SH3PXD2B: variants seen among roughly 807,000 people sequenced by gnomAD.
SH3PXD2B encodes SH3 and PX domains 2B.
A neutral mutation model predicts 73.1 loss-of-function variants in SH3PXD2B; 37 were observed. The ratio of observed to expected loss-of-function variants is 0.51; its 90% confidence interval spans 0.39 to 0.67. The LOEUF is 0.67. Ranked by LOEUF, SH3PXD2B falls within the 30% of genes least tolerant of loss-of-function variation. SH3PXD2B has a pLI of 0.00. For missense variants in SH3PXD2B, 1,053 were observed against 1,197.8 expected (o/e 0.88, Z 1.78); for synonymous variants, 457 against 480.5 (o/e 0.95, Z 0.64).
In SH3PXD2B at chr5:172,343,554, G is replaced by A. The variant is rs138745990; in HGVS notation, c.1188+2582C>T. Among the ~76,000 whole-genome samples the A allele has an allele frequency of 3.8e-4, 58 of 152,168 alleles. 1 individual carries two copies. The East Asian group carries it at 8.3e-3, about 22-fold the overall frequency. The stretch of plus-strand genomic sequence containing the variant: ...GGTGGCTCACGCCTGCAATTCCACC[G>A]CTTTGGGAGGCTTAGGCGGGCGGAT... On this transcript the variant is annotated intron_variant, in intron 12 of 12. Coordinates refer to ENST00000311601, the MANE Select transcript of SH3PXD2B (RefSeq NM_001017995.3).
intron 2 of SH3PXD2B, 86 bp downstream of exon 2, chr5:172,422,330 A>C: frequency 7.8e-7 from 1 of 1,285,534 alleles, no homozygotes; most frequent in East Asian, 2.5e-5. Flanking sequence ...AATTAAAAAA[A>C]TTCTGGACTC....
chr5:172,412,644 C>T (rs995955828), intron 2 of SH3PXD2B, among the ~76,000 whole-genome samples: 23 of 152,138 alleles, frequency 1.5e-4, no homozygotes, highest in African/African-American at 2.4e-4. Context: ...TCCAGGTTTA[C>T]GGCCACCAAT....
intron 1 of SH3PXD2B, among the ~76,000 whole-genome samples, chr5:172,450,396 A>C (rs1246396755): frequency 6.6e-6 from 1 of 152,172 alleles, no homozygotes; most frequent in Admixed American, 6.5e-5. Flanking sequence ...AAAAGTTTTG[A>C]AACAAATTGG....
rs545156424 is a variant in SH3PXD2B, at chr5:172,420,003, A to G, written c.156+2413T>C. Reference sequence around the variant, plus strand: ...CCACAGATCTGGGTAAAGAATGTGGAGGGTCCTCCATTTGTATCTCATTCA... The same window carrying G: ...CCACAGATCTGGGTAAAGAATGTGGGGGGTCCTCCATTTGTATCTCATTCA... On this transcript the variant is annotated intron_variant, in intron 2 of 12. Transcript: ENST00000311601. 1.2e-3 allele frequency among the ~76,000 whole-genome samples: 177 copies of G among 152,314 alleles called. 1 individual carries two copies. Among genetic ancestry groups the G allele is most frequent in the African/African-American group, 3.6e-3 (150 of 41,576 alleles).
chr5:172,383,705 T>C (rs929095656), intron 4 of SH3PXD2B, among the ~76,000 whole-genome samples: 2 of 152,140 alleles, frequency 1.3e-5, no homozygotes, highest in African/African-American at 4.8e-5. Flanking sequence ...GCCCAAGCAG[T>C]GCGTGCTCTG....
At chr5:172,390,815 TTGTGTGTGTGTGTGTGTGTGTGTG>T (rs56116617) in intron 4 of SH3PXD2B, among the ~76,000 whole-genome samples, 2 of 139,896 alleles carry the variant, frequency 1.4e-5, no homozygotes, top group African/African-American at 2.7e-5. Context: ...TTCCCGTCTT[TTGTGTGTGTGTGTGTGTGTGTGTG>T]TGTGTGTGTG....
intron 6 of SH3PXD2B, among the ~76,000 whole-genome samples, chr5:172,372,179 G>A (rs572172157): frequency 5.3e-5 from 8 of 152,188 alleles, no homozygotes; most frequent in East Asian, 1.9e-4. Flanking sequence ...ATCTCATGTC[G>A]AACTGTAATC....
chr5:172,413,012 G>A (rs564994866), intron 2 of SH3PXD2B, among the ~76,000 whole-genome samples: 3 of 152,364 alleles, frequency 2.0e-5, no homozygotes, highest in South Asian at 4.1e-4. Context: ...TGCGAGACAC[G>A]CTGTCCAAAG....
intron 4 of SH3PXD2B, among the ~76,000 whole-genome samples, chr5:172,383,943 T>C (rs1431988411): frequency 1.3e-5 from 2 of 151,338 alleles, no homozygotes; most frequent in African/African-American, 4.9e-5. Flanking sequence ...GCCTCCCGGG[T>C]TCAAGTGATT....
At position 172,381,947 on chromosome 5, in the gene SH3PXD2B, G is replaced by C. The variant is rs2113372521; in HGVS notation, c.401+89C>G. 5 of 1,017,862 alleles carry C rather than the reference G, an allele frequency of 4.9e-6. No individual in the cohort carries two copies. In the East Asian group the frequency reaches 1.3e-4, roughly 26 times the overall value. 63.1% of individuals were successfully genotyped at this position (1,017,862 alleles called of 1,614,324 possible). A position where few individuals can be genotyped will look rare whatever the true frequency, so the allele number is the denominator to read the frequency against. On this transcript the variant is annotated intron_variant, in intron 5 of 12. Coordinates refer to ENST00000311601, the MANE Select transcript of SH3PXD2B (RefSeq NM_001017995.3). ...GGCTCAGCCGACGAAACCCACTTTT[G>C]GCTGCACTTTGCTTTACTTGGGGGT...
chr5:172,371,366 A>G (rs1757699298), intron 6 of SH3PXD2B, among the ~76,000 whole-genome samples: 1 of 152,222 alleles, frequency 6.6e-6, no homozygotes. Context: ...TTGAGACCAC[A>G]TTAGCCAAAG....
exon 13 of SH3PXD2B, chr5:172,325,372 C>G: frequency 9.8e-6 from 15 of 1,534,506 alleles, no homozygotes; most frequent in Non-Finnish European, 1.3e-5. Flanking sequence ...AGTGAACATT[C>G]TTATGATCCT....
chr5:172,339,056 C>T lies in SH3PXD2B; in HGVS notation c.2049G>A (p.Gly683=). The change falls in exon 13 of 13, where the codon GGG becomes GGA. Residue 683 remains glycine (G), a synonymous_variant. Coordinates refer to ENST00000311601, the MANE Select transcript of SH3PXD2B (RefSeq NM_001017995.3). The surrounding 1 kb of genome is among the most constrained non-coding windows in gnomAD (Gnocchi z 6.1). ...AKSQDKSLLD[G]EGPQAVGGQD... ...GGCCCCCTACTGCCTGGGGGCCCTC[C>T]CCATCCAACAAGGACTTGTCTTGGG... 1.2e-6 allele frequency: 2 copies of T among 1,614,218 alleles called. No homozygotes were observed. The highest frequency in any genetic ancestry group is 8.5e-7 in the Non-Finnish European group (1 of 1,180,016).
intron 4 of SH3PXD2B, among the ~76,000 whole-genome samples, chr5:172,386,663 C>T (rs1042513559): frequency 3.3e-5 from 5 of 152,114 alleles, no homozygotes; most frequent in African/African-American, 4.8e-5. Context: ...CAGGGTCTGG[C>T]TCTGTGGCCC....
At chr5:172,448,674 T>C (rs1421948767) in intron 1 of SH3PXD2B, among the ~76,000 whole-genome samples, 2 of 152,222 alleles carry the variant, frequency 1.3e-5, no homozygotes, top group African/African-American at 2.4e-5. Context: ...GAGCACAGAT[T>C]CCGTGCATAC....
chr5:172,328,863 CCTTA>C (rs1756494128), downstream of SH3PXD2B, among the ~76,000 whole-genome samples: 1 of 151,828 alleles, frequency 6.6e-6, no homozygotes, highest in Non-Finnish European at 1.5e-5. Context: ...AGAGCTGGAG[CCTTA>C]CTGTGATTGC....
intron 5 of SH3PXD2B, among the ~76,000 whole-genome samples, chr5:172,377,823 T>C (rs1021656783): frequency 6.6e-6 from 1 of 152,194 alleles, no homozygotes; most frequent in African/African-American, 2.4e-5. Flanking sequence ...GGGCTGTGTT[T>C]TGTATTTTCA....
intron 3 of SH3PXD2B, among the ~76,000 whole-genome samples, chr5:172,404,051 G>A (rs1561925276): frequency 6.6e-6 from 1 of 152,234 alleles, no homozygotes; most frequent in Non-Finnish European, 1.5e-5. Flanking sequence ...GTTTTCTCCA[G>A]CAGGAAAGAA....
intron 4 of SH3PXD2B, among the ~76,000 whole-genome samples, chr5:172,391,137 G>A (rs1554138728): frequency 6.6e-6 from 1 of 152,054 alleles, no homozygotes; most frequent in Non-Finnish European, 1.5e-5. Flanking sequence ...CACCACGCCC[G>A]GCTTGCAGCT....
Sources: gnomAD v4.1 joint callset for allele counts (sites outside exome capture counted in the v4.1 genomes callset) on GRCh38, gnomAD v4.1.1 for gene constraint, Gnocchi (gnomAD v3.1) non-coding constraint, MANE v1.5 for transcripts, NCBI Gene and HGNC (gene_info 2026-07-23, HGNC 2026-07-21) for gene names.